Variants in TSPAN5 observed in about 807,000 individuals in gnomAD.
TSPAN5 encodes the protein tetraspanin 5.
A neutral mutation model predicts 37.1 loss-of-function variants in TSPAN5; 10 were observed. The observed-to-expected ratio is 0.27, with a 90% CI of 0.17 to 0.46. TSPAN5 has a LOEUF of 0.46. TSPAN5 is among the 20% of genes least tolerant of loss of function. The pLI, the probability that TSPAN5 is intolerant of heterozygous loss-of-function variation, is 1.00. For synonymous variants in TSPAN5, 110 were observed against 118.9 expected, an observed-to-expected ratio of 0.93 and a Z score of 0.48; for missense variants, 195 against 326.6, an observed-to-expected ratio of 0.60 and a Z score of 3.11.
chr4:98,500,418 G>A (rs1414475320), intron 2 of TSPAN5: 2 of 152,286 alleles, frequency 1.3e-5, no homozygotes, highest in Admixed American at 1.3e-4. Context: ...ATGGGGGCTA[G>A]AGCTCCTCTA....
At chr4:98,475,851 G>A (rs1021580385) in intron 7 of TSPAN5, among the ~76,000 whole-genome samples, 5 of 151,810 alleles carry the variant, frequency 3.3e-5, no homozygotes, top group Admixed American at 6.6e-5. Context: ...TTAGCCGGGC[G>A]TAGTGGCGGG....
intron 5 of TSPAN5, 37 bp from the exon 6 acceptor site, chr4:98,476,497 C>G: frequency 6.2e-7 from 1 of 1,608,838 alleles, no homozygotes; most frequent in Non-Finnish European, 8.5e-7. Context: ...GAAATTTACT[C>G]ATTAGACAGA....
At chr4:98,618,822 T>C (rs1022293503) in intron 1 of TSPAN5, among the ~76,000 whole-genome samples, 1 of 152,142 alleles carries the variant, frequency 6.6e-6, no homozygotes, top group African/African-American at 2.4e-5. Flanking sequence ...GCCCTGAAAA[T>C]TTACAGGCAA....
chr4:98,558,437 T>C (rs1754798495), intron 1 of TSPAN5, among the ~76,000 whole-genome samples: 2 of 152,304 alleles, frequency 1.3e-5, no homozygotes, highest in South Asian at 2.1e-4. Context: ...ACAGAGATTA[T>C]TAGGCAAAAA....
At chr4:98,537,536 T>C (rs1435334672) in intron 1 of TSPAN5, among the ~76,000 whole-genome samples, 1 of 152,210 alleles carries the variant, frequency 6.6e-6, no homozygotes, top group African/African-American at 2.4e-5. Flanking sequence ...AATATGCTAA[T>C]TTTCATAACA....
rs148775043 is a variant in TSPAN5 at position 98,546,022 on chromosome 4, T to TTA, written c.82-38296_82-38295dup. On this transcript the variant is annotated intron_variant, in intron 1 of 7. Coordinates refer to ENST00000305798, the MANE Select transcript of TSPAN5 (RefSeq NM_005723.4). ...ATTAATATTAATTCTGTATTGTGTC[T>TTA]TAATAGATGTGCATTAGGATATATT... Among the ~76,000 whole-genome samples, 1,446 of 151,638 alleles carry TTA rather than the reference T, an allele frequency of 9.5e-3. 25 individuals carry two copies. The highest frequency in any genetic ancestry group is 0.033 in the African/African-American group (1,376 of 41,376).
intron 2 of TSPAN5, among the ~76,000 whole-genome samples, chr4:98,487,238 G>GAAAAAAAAAAAAAAAA (rs11318498): frequency 7.7e-6 from 1 of 130,406 alleles, no homozygotes; most frequent in Non-Finnish European, 1.6e-5. Context: ...TATATGTAGA[G>GAAAAAAAAAAAAAAAA]AAAAAAAAAA....
chr4:98,600,401 T>C lies in TSPAN5; in HGVS notation c.81+57745A>G, dbSNP rs1034385392. Among the ~76,000 whole-genome samples the C allele has an allele frequency of 5.3e-5, 8 of 152,344 alleles. No homozygotes were observed. In the South Asian group the frequency reaches 1.7e-3, roughly 32 times the overall value. The stretch of plus-strand genomic sequence containing the variant: ...CTGTCAGATGGCATTTTACTCACAG[T>C]AGAACGTCTTTTGAAACTGGAGTCA... On this transcript the variant is annotated intron_variant, in intron 1 of 7. Transcript: ENST00000305798.
At chr4:98,519,995 G>A (rs1402305021) in intron 1 of TSPAN5, among the ~76,000 whole-genome samples, 1 of 152,202 alleles carries the variant, frequency 6.6e-6, no homozygotes, top group Non-Finnish European at 1.5e-5. Context: ...AAAGTGTGTG[G>A]CACATGAAAA....
At chr4:98,485,762 CTTTTTTTTT>C (rs766494512) in intron 3 of TSPAN5, among the ~76,000 whole-genome samples, 1 of 86,600 alleles carries the variant, frequency 1.2e-5, no homozygotes, top group African/African-American at 4.5e-5. Flanking sequence ...CTTGGATATG[CTTTTTTTTT>C]TTTTTTTTTT....
chr4:98,578,502 T>C (rs1044562676), intron 1 of TSPAN5, among the ~76,000 whole-genome samples: 1 of 152,150 alleles, frequency 6.6e-6, no homozygotes, highest in African/African-American at 2.4e-5. Flanking sequence ...CTCGGCTCAC[T>C]GCAACCTCCG....
rs544328792 is a variant in TSPAN5, at chr4:98,508,473, A to G, written c.82-745T>C. On this transcript the variant is annotated intron_variant, in intron 1 of 7. Coordinates refer to ENST00000305798, the MANE Select transcript of TSPAN5 (RefSeq NM_005723.4). ...CTGTGTTGAGGACTGGGGGAATGCCAGGAGAGGAACAGGTGATAACCAGGA... is the reference window on the plus strand; with the variant it reads ...CTGTGTTGAGGACTGGGGGAATGCCGGGAGAGGAACAGGTGATAACCAGGA... 2.6e-4 allele frequency among the ~76,000 whole-genome samples: 39 copies of G among 151,658 alleles called. No individual in the cohort carries two copies. In the South Asian group the frequency reaches 8.2e-3, roughly 32 times the overall value.
At chr4:98,537,260 T>G (rs533080535) in intron 1 of TSPAN5, among the ~76,000 whole-genome samples, 5 of 152,274 alleles carry the variant, frequency 3.3e-5, no homozygotes, top group African/African-American at 1.2e-4. Context: ...CCGCGACCCC[T>G]TGCGCTTCCC....
intron 1 of TSPAN5, among the ~76,000 whole-genome samples, chr4:98,517,345 A>G (rs895355090): frequency 6.6e-6 from 1 of 152,172 alleles, no homozygotes; most frequent in African/African-American, 2.4e-5. Flanking sequence ...CTATGGAAGC[A>G]GAATGATATG....
At chr4:98,526,885 A>G (rs979811823) in intron 1 of TSPAN5, among the ~76,000 whole-genome samples, 2 of 152,208 alleles carry the variant, frequency 1.3e-5, no homozygotes, top group African/African-American at 4.8e-5. Context: ...GAAGCTTTTT[A>G]GCCTCATGTA....
chr4:98,622,629 G>A (rs1756505804), intron 1 of TSPAN5, among the ~76,000 whole-genome samples: 1 of 152,142 alleles, frequency 6.6e-6, no homozygotes, highest in East Asian at 1.9e-4. Context: ...GAGAACATGA[G>A]TTCAGTTTTG....
chr4:98,537,285 C>A (rs1754258097), intron 1 of TSPAN5, among the ~76,000 whole-genome samples: 1 of 152,138 alleles, frequency 6.6e-6, no homozygotes, highest in Non-Finnish European at 1.5e-5. Flanking sequence ...GAGGTGACGC[C>A]CCACCCTGCT....
At chr4:98,513,877 G>GATAA (rs994495086) in intron 1 of TSPAN5, among the ~76,000 whole-genome samples, 4 of 150,500 alleles carry the variant, frequency 2.7e-5, no homozygotes, top group African/African-American at 9.8e-5. Flanking sequence ...TAGATAGATA[G>GATAA]ATAGATAGAT....
chr4:98,485,739 T>C (rs2110263242), intron 3 of TSPAN5, among the ~76,000 whole-genome samples: 1 of 149,998 alleles, frequency 6.7e-6, no homozygotes, highest in African/African-American at 2.5e-5. Flanking sequence ...ATTACATGAC[T>C]ATTGGGCTAC....
Sources: gnomAD v4.1 joint callset for allele counts (sites outside exome capture counted in the v4.1 genomes callset) on GRCh38, gnomAD v4.1.1 for gene constraint, MANE v1.5 for transcripts, NCBI Gene and HGNC (gene_info 2026-07-23, HGNC 2026-07-21) for gene names.